RNASEH2B: variants seen among roughly 807,000 people sequenced by gnomAD.
RNASEH2B encodes Aicardi-Goutieres syndrome 2 protein.
A neutral mutation model predicts 45.0 loss-of-function variants in RNASEH2B; 36 were observed. That is an observed-to-expected ratio of 0.80 (90% CI 0.61 to 1.06). RNASEH2B has a LOEUF of 1.06. Ranked by LOEUF, RNASEH2B falls within the 50% of genes least tolerant of loss-of-function variation. The pLI is 0.00. For synonymous variants in RNASEH2B, 119 were observed against 125.7 expected (o/e 0.95, Z 0.35); for missense variants, 361 against 360.3 (o/e 1.00, Z -0.02).
At position 50,969,522 on chromosome 13, in the gene RNASEH2B, CAAAAA is replaced by C. The variant is rs3042194; in HGVS notation, c.742-398_742-394del. ...CTTTTTATAAAAGGAACTGCCTCTA[CAAAAA>C]AAAAAAAAAAAGAAAAATGGTTTAA... On this transcript the variant is annotated intron_variant, in intron 9 of 9. Transcript: ENST00000422660. 3.7e-3 allele frequency among the ~76,000 whole-genome samples: 373 copies of C among 100,560 alleles called. 4 individuals carry two copies. Among genetic ancestry groups the C allele is most frequent in the African/African-American group, 0.011 (327 of 30,400 alleles). 66.0% of individuals were successfully genotyped at this position (100,560 alleles called of 152,430 possible).
chr13:50,946,401 T>A (rs1566087623), intron 7 of RNASEH2B, among the ~76,000 whole-genome samples: 1 of 152,220 alleles, frequency 6.6e-6, no homozygotes, highest in Non-Finnish European at 1.5e-5. Context: ...TTTGCAGGAA[T>A]CTACCTTGCA....
chr13:50,922,405 C>T (rs539671790), intron 1 of RNASEH2B, among the ~76,000 whole-genome samples: 5 of 152,218 alleles, frequency 3.3e-5, no homozygotes, highest in Middle Eastern at 3.4e-3. Flanking sequence ...GTATGAGGTC[C>T]GGAGAAGGCA....
At chr13:50,955,233 C>T (rs1361525444) in intron 10 of RNASEH2B, 1 of 152,176 alleles carries the variant, frequency 6.6e-6, no homozygotes, top group Non-Finnish European at 1.5e-5. Flanking sequence ...TTTAAAAATA[C>T]TAACTGCCCT....
intron 1 of RNASEH2B, chr13:50,921,442 C>T (rs1335013354): frequency 6.6e-6 from 1 of 152,118 alleles, no homozygotes; most frequent in Non-Finnish European, 1.5e-5. Context: ...TATTCTTCAC[C>T]TGTGCTAGAT....
chr13:50,925,076 T>C (rs1951574359), intron 1 of RNASEH2B, among the ~76,000 whole-genome samples: 1 of 152,158 alleles, frequency 6.6e-6, no homozygotes, highest in African/African-American at 2.4e-5. Flanking sequence ...TTACTAATAC[T>C]CTTTTTTCTT....
intron 9 of RNASEH2B, among the ~76,000 whole-genome samples, chr13:50,965,245 T>C (rs535900266): frequency 7.9e-5 from 12 of 152,228 alleles, no homozygotes; most frequent in Non-Finnish European, 1.3e-4. Flanking sequence ...CAGTATTCAG[T>C]ACACTAACAT....
At chr13:50,964,088 A>C (rs984028855) in intron 9 of RNASEH2B, among the ~76,000 whole-genome samples, 2 of 152,130 alleles carry the variant, frequency 1.3e-5, no homozygotes, top group Non-Finnish European at 2.9e-5. Context: ...AATCCCAGCT[A>C]CTCGGGAGGC....
chr13:50,969,522 CAAAAAAAAA>C lies in RNASEH2B; in HGVS notation c.742-402_742-394del, dbSNP rs3042194. Among the ~76,000 whole-genome samples the C allele has an allele frequency of 4.1e-4, 41 of 100,562 alleles. 2 individuals carry two copies. The highest frequency in any genetic ancestry group is 1.3e-3 in the African/African-American group (40 of 30,400). 66.0% of individuals were successfully genotyped at this position (100,562 alleles called of 152,430 possible). On this transcript the variant is annotated intron_variant, in intron 9 of 9. Coordinates refer to the RNASEH2B transcript ENST00000422660. ...CTTTTTATAAAAGGAACTGCCTCTA[CAAAAAAAAA>C]AAAAAAAGAAAAATGGTTTAAGAAT...
At chr13:50,924,578 A>G (rs968561785) in intron 1 of RNASEH2B, among the ~76,000 whole-genome samples, 12 of 152,186 alleles carry the variant, frequency 7.9e-5, no homozygotes, top group African/African-American at 2.9e-4. Context: ...TTTTTTTTAG[A>G]GAAAGAGTCT....
intron 1 of RNASEH2B, among the ~76,000 whole-genome samples, chr13:50,914,925 G>T (rs150222985): frequency 1.2e-4 from 19 of 152,284 alleles, no homozygotes; most frequent in African/African-American, 4.6e-4. Context: ...CTCAGTCAGT[G>T]TGCTCCAAAG....
At chr13:50,940,006 C>T (rs1223784905) in intron 5 of RNASEH2B, among the ~76,000 whole-genome samples, 1 of 152,186 alleles carries the variant, frequency 6.6e-6, no homozygotes, top group Non-Finnish European at 1.5e-5. Context: ...ACCTACCTGG[C>T]TGTCCACGGC....
At chr13:50,915,050 G>A (rs9526707) in intron 1 of RNASEH2B, among the ~76,000 whole-genome samples, 37,996 of 152,078 alleles carry the variant, frequency 0.25, 5,279 homozygotes, top group Non-Finnish European at 0.32. Flanking sequence ...TCCACAGTGG[G>A]GAGAAGAGTA....
chr13:50,952,024 G>C (rs1204966602), intron 9 of RNASEH2B: 1 of 152,118 alleles, frequency 6.6e-6, no homozygotes, highest in East Asian at 1.9e-4. Context: ...CATCAGTTCA[G>C]TGGCACACAC....
intron 9 of RNASEH2B, among the ~76,000 whole-genome samples, chr13:50,963,649 CCT>C (rs1952135502): frequency 6.6e-6 from 1 of 152,056 alleles, no homozygotes; most frequent in Admixed American, 6.6e-5. Context: ...CTATTTTTCT[CCT>C]CTCTCTTTTA....
rs1160438142 is a variant in RNASEH2B at position 50,964,305 on chromosome 13, C to T, written c.742-5627C>T. 1.3e-4 allele frequency among the ~76,000 whole-genome samples: 20 copies of T among 152,290 alleles called. 1 individual carries two copies. In the South Asian group the frequency reaches 3.9e-3, roughly 30 times the overall value. On this transcript the variant is annotated intron_variant, in intron 9 of 9. Transcript: ENST00000422660. ...TAAATGCCCCTTAATTTTTGAGATA[C>T]TTTGAAACTATGTTAATATCCTATT...
At position 50,956,389 on chromosome 13, in the gene RNASEH2B, C is replaced by T. The variant is rs758605855; in HGVS notation, c.854C>T (p.Ala285Val). 3.1e-6 allele frequency: 5 copies of T among 1,603,366 alleles called. No individual in the cohort carries two copies. The highest frequency in any genetic ancestry group is 1.7e-4 in the Middle Eastern group (1 of 6,040). ...AGCAAAATGACTGCAGCTCAGAAGG[C>T]TTTGGCTAAAGTTGACAAGAGTGGA... ...KNSKMTAAQKALAKVDKSGMK... is the reference protein window; with the variant it reads ...KNSKMTAAQKVLAKVDKSGMK... Residue 285 changes from alanine (A) to valine (V), a missense_variant, in exon 11 of 11, where the codon GCT (alanine) becomes GTT (valine). Transcript: ENST00000336617.
intron 1 of RNASEH2B, chr13:50,910,991 G>C (rs1049011504): frequency 4.6e-5 from 7 of 152,128 alleles, no homozygotes; most frequent in Non-Finnish European, 8.8e-5. Flanking sequence ...TTTTATGATG[G>C]TTATTGAAAA....
intron 9 of RNASEH2B, among the ~76,000 whole-genome samples, chr13:50,966,553 T>A (rs1455676697): frequency 6.6e-6 from 1 of 152,188 alleles, no homozygotes; most frequent in East Asian, 1.9e-4. Flanking sequence ...TTGCCAACAT[T>A]CTTTTTTATT....
intron 9 of RNASEH2B, among the ~76,000 whole-genome samples, chr13:50,961,940 T>G (rs1952115814): frequency 6.6e-6 from 1 of 152,190 alleles, no homozygotes; most frequent in African/African-American, 2.4e-5. Context: ...AATTTGTATC[T>G]ACTGAGATGA....
Sources: allele counts gnomAD v4.1 joint callset (sites outside exome capture counted in the v4.1 genomes callset), GRCh38; gene constraint gnomAD v4.1.1; transcripts MANE v1.5; gene names NCBI Gene and HGNC (gene_info 2026-07-23, HGNC 2026-07-21).